TSPO: variants seen among roughly 807,000 people sequenced by gnomAD.
The protein encoded by TSPO is translocator protein.
TSPO carries 14 observed loss-of-function variants against 13.9 expected under a neutral mutation model. That is an observed-to-expected ratio of 1.01 (90% confidence interval 0.67 to 1.58). The LOEUF (loss-of-function observed/expected upper bound fraction) is 1.58. TSPO is among the 40% of genes most tolerant of loss of function. TSPO has a pLI of 0.00. For synonymous variants in TSPO, 114 were observed against 105.9 expected, an observed-to-expected ratio of 1.08 and a Z score of -0.47; for missense variants, 232 against 229.6, an observed-to-expected ratio of 1.01 and a Z score of -0.07.
intron 1 of TSPO, chr22:43,152,094 C>G (rs1468734435): frequency 6.6e-6 from 1 of 152,396 alleles, no homozygotes; most frequent in Non-Finnish European, 1.5e-5. Context: ...CGGTTAGAGG[C>G]CCCCTGGCCC....
At chr22:43,156,983 T>A (rs1489963330) in intron 1 of TSPO, among the ~76,000 whole-genome samples, 1 of 152,154 alleles carries the variant, frequency 6.6e-6, no homozygotes, top group East Asian at 1.9e-4. Context: ...TCCCCCACAA[T>A]GTCACTCAGC....
At chr22:43,162,691 GGTGA>G (rs1240487971) in intron 3 of TSPO, 108 bp from the exon 4 acceptor site, 11 of 1,092,728 alleles carry the variant, frequency 1.0e-5, no homozygotes, top group Non-Finnish European at 1.4e-5. Flanking sequence ...GTGGAGTGGG[GGTGA>G]GTGAGGCTCC....
In TSPO at chr22:43,159,728, TA is replaced by T. The variant is rs553556885; in HGVS notation, c.182+310del. On this transcript the variant is annotated intron_variant, in intron 2 of 3. Transcript: ENST00000337554. ...TGGGCAGAGGCATGGACGCTAAGAT[TA>T]ACAACGGCAGCAACAGCCCCAAGAG... The T allele has an allele frequency of 2.3e-4, 75 of 322,358 alleles. 2 individuals carry two copies. The South Asian group carries it at 9.3e-3, about 40-fold the overall frequency. 20.0% of individuals were successfully genotyped at this position (322,358 alleles called of 1,614,324 possible). A position where few individuals can be genotyped will look rare whatever the true frequency, so the allele number is the denominator to read the frequency against.
chr22:43,154,292 G>T (rs1050575147), intron 1 of TSPO, among the ~76,000 whole-genome samples: 1 of 152,112 alleles, frequency 6.6e-6, no homozygotes, highest in East Asian at 1.9e-4. Flanking sequence ...TCGGGGTGGG[G>T]ATCAGAGAAG....
At chr22:43,160,775 T>C (rs779207261) in intron 2 of TSPO, among the ~76,000 whole-genome samples, 12 of 152,236 alleles carry the variant, frequency 7.9e-5, no homozygotes, top group Admixed American at 2.6e-4. Flanking sequence ...ATTCACACCA[T>C]GTGCTTCCCT....
At chr22:43,155,457 G>A (rs1471332766) in intron 1 of TSPO, among the ~76,000 whole-genome samples, 2 of 152,232 alleles carry the variant, frequency 1.3e-5, no homozygotes, top group Non-Finnish European at 1.5e-5. Context: ...GCGCTGCTCC[G>A]TGCAGGGCAT....
intron 3 of TSPO, among the ~76,000 whole-genome samples, chr22:43,161,961 T>G (rs941665535): frequency 6.6e-6 from 1 of 151,852 alleles, no homozygotes; most frequent in African/African-American, 2.4e-5. Context: ...CGGCAGCCTT[T>G]TTTTTTTGAG....
chr22:43,163,134 C>A lies in TSPO; in HGVS notation c.*143C>A. ...GGGTCAGCAGAGCTTCAGAGGTGGC[C>A]CCACCTGAGCCCCCACCCGGGAGCA... is the stretch of plus-strand genomic sequence containing the variant. On this transcript the variant is annotated 3_prime_UTR_variant, in exon 4 of 4. Coordinates refer to ENST00000337554, the MANE Select transcript of TSPO (RefSeq NM_000714.6). 1 of 1,471,754 alleles carries A rather than the reference C, an allele frequency of 6.8e-7. No homozygotes were observed. The allele number at this position is 1,471,754 out of a possible 1,614,324, so 91.2% of individuals were successfully genotyped here.
At position 43,159,279 on chromosome 22, in the gene TSPO, C is replaced by T. The variant is rs187866832; in HGVS notation, c.41C>T (p.Ala14Val). ...PWVPAMGFTL[A>V]PSLGCFVGSR... is the part of the protein sequence containing the mutation. ...GTGCCCGCCATGGGCTTCACGCTGGCGCCCAGCCTGGGGTGCTTCGTGGGC... is the reference window on the plus strand; with the variant it reads ...GTGCCCGCCATGGGCTTCACGCTGGTGCCCAGCCTGGGGTGCTTCGTGGGC... Residue 14 changes from alanine (A) to valine (V), a missense_variant, in exon 2 of 4, where the codon GCG becomes GTG. By Grantham distance (64) the Ala-to-Val change is moderately conservative. Transcript: ENST00000337554. 3,730 of 1,556,046 alleles carry T rather than the reference C, an allele frequency of 2.4e-3. 6 individuals carry two copies. Among genetic ancestry groups the T allele is most frequent in the Non-Finnish European group, 2.8e-3 (3,261 of 1,150,512 alleles).
intron 1 of TSPO, among the ~76,000 whole-genome samples, chr22:43,154,229 A>G (rs1455389395): frequency 6.6e-6 from 1 of 151,906 alleles, no homozygotes; most frequent in Non-Finnish European, 1.5e-5. Context: ...TCCCTGGGAC[A>G]GTGCTGGCTT....
chr22:43,153,184 C>T (rs1410593880), intron 1 of TSPO, among the ~76,000 whole-genome samples: 1 of 119,956 alleles, frequency 8.3e-6, no homozygotes, highest in Admixed American at 8.0e-5. Flanking sequence ...GACAGGGTCT[C>T]ACTCTGGTAT....
rs374084935 is a variant in TSPO at position 43,159,950 on chromosome 22, C to T, written c.182+530C>T. Among the ~76,000 whole-genome samples, 104 of 152,256 alleles carry T rather than the reference C, an allele frequency of 6.8e-4. No homozygotes were observed. In the East Asian group the frequency reaches 0.015, roughly 22 times the overall value. ...CCCGGAAAGGACGTGCTGGGAGGGGCAGGGCGCCTCTTGGTGGCTGTAGCG... is the reference window on the plus strand; with the variant it reads ...CCCGGAAAGGACGTGCTGGGAGGGGTAGGGCGCCTCTTGGTGGCTGTAGCG... On this transcript the variant is annotated intron_variant, in intron 2 of 3. Coordinates refer to ENST00000337554, the MANE Select transcript of TSPO (RefSeq NM_000714.6).
In TSPO at chr22:43,159,319, C is replaced by T. The variant is rs1023579746; in HGVS notation, c.81C>T (p.His27=). ...GCTTCGTGGGCTCCCGCTTTGTCCACGGCGAGGGTCTCCGCTGGTACGCCG... is the reference window on the plus strand; with the variant it reads ...GCTTCGTGGGCTCCCGCTTTGTCCATGGCGAGGGTCTCCGCTGGTACGCCG... The part of the protein sequence containing the change: ...LGCFVGSRFV[H]GEGLRWYAGL... Residue 27 remains histidine, a synonymous_variant, in exon 2 of 4, where the codon CAC becomes CAT. Transcript: ENST00000337554. 3.2e-5 allele frequency: 49 copies of T among 1,549,522 alleles called. No homozygotes were observed. The highest frequency in any genetic ancestry group is 1.8e-4 in the African/African-American group (13 of 73,066).
At chr22:43,161,260 T>TGACA in intron 3 of TSPO, 70 bp downstream of exon 3, 2 of 1,557,166 alleles carry the variant, frequency 1.3e-6, no homozygotes, top group Non-Finnish European at 1.7e-6. Flanking sequence ...GCATCACATA[T>TGACA]GACACTGGGT....
At chr22:43,154,886 T>C (rs575739954) in intron 1 of TSPO, among the ~76,000 whole-genome samples, 32 of 152,134 alleles carry the variant, frequency 2.1e-4, no homozygotes, top group African/African-American at 7.5e-4. Context: ...CGATGCTCTG[T>C]GGGGGCTGGG....
Position 43,162,896 on chromosome 22 carries a change from C to A in TSPO, c.415C>A (p.Pro139Thr), listed in dbSNP as rs757578697. The part of the protein sequence containing the change: ...VSPLAARLLY[P>T]YLAWLAFTTT... The stretch of plus-strand genomic sequence containing the variant: ...CCCGCTGGCCGCCCGCCTGCTCTAC[C>A]CCTACCTGGCCTGGCTGGCCTTCAC... The change falls in exon 4 of 4, where the codon CCC becomes ACC. Residue 139 changes from proline to threonine, a missense_variant. Coordinates refer to ENST00000337554, the MANE Select transcript of TSPO (RefSeq NM_000714.6). 2.5e-6 allele frequency: 4 copies of A among 1,587,246 alleles called. No homozygotes were observed. The highest frequency in any genetic ancestry group is 2.3e-5 in the East Asian group (1 of 43,366).
At chr22:43,156,388 C>G (rs1931250260) in intron 1 of TSPO, among the ~76,000 whole-genome samples, 7 of 152,182 alleles carry the variant, frequency 4.6e-5, no homozygotes, top group Admixed American at 4.6e-4. Context: ...GTGGGGAGTT[C>G]TGCCACGTGC....
In TSPO at chr22:43,158,428, G is replaced by A. The variant is rs576605476; in HGVS notation, c.-29-782G>A. Among the ~76,000 whole-genome samples the A allele has an allele frequency of 3.3e-5, 5 of 152,292 alleles. No homozygotes were observed. In the South Asian group the frequency reaches 8.3e-4, roughly 25 times the overall value. On this transcript the variant is annotated intron_variant, in intron 1 of 3. Transcript: ENST00000337554. ...CTTCTTGTCTCAGACAAGAGCAGAC[G>A]ACTCCTGATTCTCCACCTAGAATCA...
intron 1 of TSPO, among the ~76,000 whole-genome samples, chr22:43,158,001 G>A (rs1312867968): frequency 3.9e-5 from 6 of 152,102 alleles, no homozygotes; most frequent in South Asian, 2.1e-4. Context: ...ATAGTCCCTG[G>A]CTGCTGGGCA....
Sources: gnomAD v4.1 joint callset for allele counts (sites outside exome capture counted in the v4.1 genomes callset) on GRCh38, gnomAD v4.1.1 for gene constraint, MANE v1.5 for transcripts, NCBI Gene and HGNC (gene_info 2026-07-23, HGNC 2026-07-21) for gene names.